The following SHISA9 variants were observed in gnomAD, a reference collection of about 807,000 sequenced individuals.
SHISA9 encodes shisa family member 9.
Under a neutral mutation model 38.0 loss-of-function variants are expected in SHISA9, and 13 were observed. The ratio of observed to expected loss-of-function variants is 0.34; its 90% CI spans 0.22 to 0.54. The LOEUF (loss-of-function observed/expected upper bound fraction) is 0.54. Among genes scored for constraint, SHISA9 ranks in the 20% least tolerant of loss-of-function variants. SHISA9 has a pLI of 0.91. For synonymous variants in SHISA9, 275 were observed against 242.0 expected (o/e 1.14, Z -1.27); for missense variants, 538 against 575.8 (o/e 0.93, Z 0.67).
chr16:13,326,910 T>C, the SHISA9 span, among the ~76,000 whole-genome samples: 1 of 152,186 alleles, frequency 6.6e-6, no homozygotes, highest in African/African-American at 2.4e-5. Flanking sequence ...TGTGCCTTAT[T>C]ATCAGTAACT....
chr16:13,304,592 A>T, the SHISA9 span, among the ~76,000 whole-genome samples: 1 of 152,176 alleles, frequency 6.6e-6, no homozygotes, highest in African/African-American at 2.4e-5. Context: ...GCCTCCTTGG[A>T]CAAAATGACA....
the SHISA9 span, among the ~76,000 whole-genome samples, chr16:13,320,178 C>G: frequency 6.6e-6 from 1 of 150,428 alleles, no homozygotes; most frequent in African/African-American, 2.4e-5. Flanking sequence ...GTAGTCCCAG[C>G]TACTCAGGAG....
At chr16:13,388,558 C>T in the SHISA9 span, among the ~76,000 whole-genome samples, 1 of 152,146 alleles carries the variant, frequency 6.6e-6, no homozygotes, top group African/African-American at 2.4e-5. Flanking sequence ...CCATCTCGGC[C>T]TCCCAAAGTG....
chr16:13,235,610 A>G lies in SHISA9; in HGVS notation c.*201A>G, dbSNP rs1266827326. ...GTAACGTGTCGGCGGGCAGCTGAGA[A>G]AGACCGAAGCGTGGACATTCAGCAA... On this transcript the variant is annotated 3_prime_UTR_variant, in exon 5 of 5. Coordinates refer to ENST00000558583, the MANE Select transcript of SHISA9 (RefSeq NM_001145204.3). The G allele has an allele frequency of 3.1e-5, 20 of 641,420 alleles. No individual in the cohort carries two copies. Among genetic ancestry groups the G allele is most frequent in the Admixed American group, 6.5e-5 (2 of 30,962 alleles). The allele number at this position is 641,420 out of a possible 1,614,324, so 39.7% of individuals were successfully genotyped here. A position where few individuals can be genotyped will look rare whatever the true frequency, so the allele number is the denominator to read the frequency against.
intron 4 of SHISA9, among the ~76,000 whole-genome samples, chr16:13,230,026 C>T (rs1238984142): frequency 6.6e-6 from 1 of 152,208 alleles, no homozygotes; most frequent in African/African-American, 2.4e-5. Flanking sequence ...TGACCACCAT[C>T]TCCCTCCTGA....
chr16:13,343,440 A>G, the SHISA9 span, among the ~76,000 whole-genome samples: 2 of 152,050 alleles, frequency 1.3e-5, no homozygotes, highest in Non-Finnish European at 2.9e-5. Flanking sequence ...ATGCTAATAA[A>G]ATGCTAATCA....
At chr16:13,247,763 G>A in the SHISA9 span, among the ~76,000 whole-genome samples, 1 of 152,142 alleles carries the variant, frequency 6.6e-6, no homozygotes, top group Admixed American at 6.5e-5. Context: ...ACATCCTCTT[G>A]AATTTTTCCT....
At chr16:13,241,624 G>A (rs2051436080), downstream of SHISA9, among the ~76,000 whole-genome samples, 1 of 152,174 alleles carries the variant, frequency 6.6e-6, no homozygotes, top group Non-Finnish European at 1.5e-5. Flanking sequence ...AACTCACAGT[G>A]GCTGCCCAAA....
In SHISA9 at chr16:13,235,154, C is replaced by T. The variant is rs369282196; in HGVS notation, c.1020C>T (p.His340=). The change falls in exon 5 of 5, where the codon CAC becomes CAT. Residue 340 remains histidine, a synonymous_variant. Transcript: ENST00000558583. ...EDEPRAFSPE[H]GPAKQNGQKS... is the part of the protein sequence containing the mutation. Reference sequence around the variant, plus strand: ...AGCCCCGGGCCTTCAGCCCTGAGCACGGTCCTGCCAAGCAGAATGGACAGA... The same window carrying T: ...AGCCCCGGGCCTTCAGCCCTGAGCATGGTCCTGCCAAGCAGAATGGACAGA... 21 of 1,551,732 alleles carry T rather than the reference C, an allele frequency of 1.4e-5. No individual in the cohort carries two copies. The highest frequency in any genetic ancestry group is 1.6e-5 in the Non-Finnish European group (18 of 1,147,010).
At chr16:13,225,801 T>C (rs905787679) in intron 4 of SHISA9, among the ~76,000 whole-genome samples, 2 of 152,208 alleles carry the variant, frequency 1.3e-5, no homozygotes, top group South Asian at 2.1e-4. Flanking sequence ...TGTACAAGTG[T>C]CTGCTGCTAA....
At chr16:13,061,363 C>T (rs2073373707) in intron 2 of SHISA9, among the ~76,000 whole-genome samples, 1 of 152,176 alleles carries the variant, frequency 6.6e-6, no homozygotes, top group African/African-American at 2.4e-5. Flanking sequence ...TGCCTATTCT[C>T]CCATTTAGAG....
At chr16:13,224,743 A>G (rs2051262463) in intron 4 of SHISA9, among the ~76,000 whole-genome samples, 2 of 152,212 alleles carry the variant, frequency 1.3e-5, no homozygotes, top group Non-Finnish European at 2.9e-5. Context: ...GGGATAGGTC[A>G]TCAGAGCCAT....
intron 2 of SHISA9, among the ~76,000 whole-genome samples, chr16:13,072,092 C>T (rs1285082211): frequency 2.0e-5 from 3 of 152,228 alleles, no homozygotes; most frequent in Admixed American, 6.5e-5. Flanking sequence ...CCCCTGGTTC[C>T]AGCTCAGTCG....
At chr16:13,116,225 G>T (rs1051306209) in intron 2 of SHISA9, among the ~76,000 whole-genome samples, 1 of 152,160 alleles carries the variant, frequency 6.6e-6, no homozygotes, top group Non-Finnish European at 1.5e-5. Flanking sequence ...AGTTGGCAGA[G>T]AATTAACGGT....
chr16:13,061,787 A>G (rs2073378735), intron 2 of SHISA9, among the ~76,000 whole-genome samples: 2 of 152,218 alleles, frequency 1.3e-5, no homozygotes, highest in Non-Finnish European at 2.9e-5. Context: ...CAACAGAATG[A>G]AAGAAACGGG....
At chr16:12,966,440 A>G (rs1307228563) in intron 2 of SHISA9, among the ~76,000 whole-genome samples, 1 of 152,112 alleles carries the variant, frequency 6.6e-6, no homozygotes, top group Non-Finnish European at 1.5e-5. Context: ...TTTTTTGTAG[A>G]GACAGGGTCT....
intron 2 of SHISA9, among the ~76,000 whole-genome samples, chr16:12,980,123 A>G (rs1322899815): frequency 6.6e-6 from 1 of 152,114 alleles, no homozygotes; most frequent in Non-Finnish European, 1.5e-5. Flanking sequence ...TTCCCTTTTT[A>G]TGATCTTTTA....
chr16:13,116,233 G>C (rs1006521625), intron 2 of SHISA9, among the ~76,000 whole-genome samples: 1 of 152,118 alleles, frequency 6.6e-6, no homozygotes, highest in Non-Finnish European at 1.5e-5. Context: ...GAGAATTAAC[G>C]GTGGATTCTA....
the SHISA9 span, among the ~76,000 whole-genome samples, chr16:13,251,833 G>A: frequency 6.6e-6 from 1 of 152,294 alleles, no homozygotes; most frequent in South Asian, 2.1e-4. Context: ...TGGATCTCCA[G>A]TAGTAATTCC....
Sources: gnomAD v4.1 joint callset for allele counts (sites outside exome capture counted in the v4.1 genomes callset) on GRCh38, gnomAD v4.1.1 for gene constraint, MANE v1.5 for transcripts, NCBI Gene and HGNC (gene_info 2026-07-23, HGNC 2026-07-21) for gene names.